Variants in CACUL1 observed in about 807,000 individuals in gnomAD.
The protein encoded by CACUL1 is CDK2 associated cullin domain 1, also known as CDK2-associated and cullin domain-containing protein 1.
Under a neutral mutation model 45.2 loss-of-function variants are expected in CACUL1, and 13 were observed. That is an observed-to-expected ratio of 0.29 (90% confidence interval 0.19 to 0.46). The LOEUF is 0.46. CACUL1 is among the 20% of genes least tolerant of loss of function. CACUL1 has a pLI of 1.00. For synonymous variants in CACUL1, 197 were observed against 174.2 expected (o/e 1.13, Z -1.03); for missense variants, 421 against 471.4 (o/e 0.89, Z 0.99).
At chr10:118,730,132 C>T in intron 2 of CACUL1, 152 bp downstream of exon 2, 1 of 861,424 alleles carries the variant, frequency 1.2e-6, no homozygotes, top group Non-Finnish European at 1.7e-6. Context: ...AAGTATAAAC[C>T]AAACCCTCCA....
chr10:118,694,055 G>A (rs1313117438), intron 6 of CACUL1, among the ~76,000 whole-genome samples: 3 of 152,138 alleles, frequency 2.0e-5, no homozygotes, highest in African/African-American at 4.8e-5. Context: ...TAGTAGAGAC[G>A]AGGTTTCACC....
intron 2 of CACUL1, among the ~76,000 whole-genome samples, chr10:118,729,761 TAG>T (rs1456018076): frequency 2.6e-5 from 4 of 152,170 alleles, no homozygotes; most frequent in Non-Finnish European, 5.9e-5. Context: ...TGATAATCAG[TAG>T]AGAGAGGTTT....
chr10:118,727,417 A>C (rs1319431089), intron 3 of CACUL1, among the ~76,000 whole-genome samples: 1 of 150,984 alleles, frequency 6.6e-6, no homozygotes, highest in Non-Finnish European at 1.5e-5. Flanking sequence ...AAAAAAAAAA[A>C]CACTAACATC....
At chr10:118,716,691 T>C (rs553933943) in intron 3 of CACUL1, among the ~76,000 whole-genome samples, 2 of 150,770 alleles carry the variant, frequency 1.3e-5, no homozygotes, top group African/African-American at 4.9e-5. Flanking sequence ...CAAGCTCCAC[T>C]TCCCAGGTTC....
intron 1 of CACUL1, among the ~76,000 whole-genome samples, chr10:118,739,769 A>G (rs1397625247): frequency 6.6e-6 from 1 of 152,250 alleles, no homozygotes; most frequent in Non-Finnish European, 1.5e-5. Context: ...CACAGACAAA[A>G]ACAAAAGCTG....
Position 118,683,286 on chromosome 10 carries a change from A to C in CACUL1, c.*2842T>G, listed in dbSNP as rs1306915528. 6.7e-6 allele frequency: 1 copy of C among 149,712 alleles called. No homozygotes were observed. The highest frequency in any genetic ancestry group is 1.5e-5 in the Non-Finnish European group (1 of 67,712). 9.3% of individuals were successfully genotyped at this position (149,712 alleles called of 1,614,324 possible). A position where few individuals can be genotyped will look rare whatever the true frequency, so the allele number is the denominator to read the frequency against. On this transcript the variant is annotated 3_prime_UTR_variant, in exon 9 of 9. Coordinates refer to ENST00000369151, the MANE Select transcript of CACUL1 (RefSeq NM_153810.5). ...TTGACTAACCAGACAACCAGCCTGC[A>C]TGTACGGTTTTGTATCTTCAATGAT...
chr10:118,729,430 G>C, intron 2 of CACUL1, 33 bp from the exon 3 acceptor site: 1 of 1,499,542 alleles, frequency 6.7e-7, no homozygotes, highest in Non-Finnish European at 9.2e-7. Context: ...CACAAACCAA[G>C]TTAATCATAA....
At position 118,691,272 on chromosome 10, in the gene CACUL1, A is replaced by G; in HGVS notation, c.1018T>C (p.Phe340Leu). 6.2e-7 allele frequency: 1 copy of G among 1,611,352 alleles called. No homozygotes were observed. Among genetic ancestry groups the G allele is most frequent in the Non-Finnish European group, 8.5e-7 (1 of 1,179,204 alleles). Residue 340 changes from phenylalanine to leucine, a missense_variant, in exon 7 of 9, where the codon TTT becomes CTT. Around this residue, in one of 2 missense-constraint regions of CACUL1, gnomAD observed 208 missense variants for 298.4 expected, o/e 0.70. Transcript: ENST00000369151. The part of the protein sequence containing the change: ...KFQRELIQNG[F>L]TRGDQSRKRA... ...GAAAAAAAAACAACTTGCCTTGTAA[A>G]ACCATTCTGTATAAGTTCTCTTTGA... is the stretch of plus-strand genomic sequence containing the variant.
chr10:118,707,515 T>C lies in CACUL1; in HGVS notation c.670A>G (p.Ile224Val), dbSNP rs1564831697. The change falls in exon 4 of 9, where the codon ATT (isoleucine) becomes GTT (valine). Residue 224 changes from isoleucine to valine, a missense_variant. Physicochemically the swap from Ile to Val is conservative, Grantham distance 29 (BLOSUM62 3). Coordinates refer to ENST00000369151, the MANE Select transcript of CACUL1 (RefSeq NM_153810.5). ...LGQYMGALQS[I>V]VPLFIYMNKF... ...ACCATATATATGAAAAGAGGCACAA[T>C]GCTCTGCAATGCTCCCATATATTGT... 2 of 1,552,040 alleles carry C rather than the reference T, an allele frequency of 1.3e-6. No individual in the cohort carries two copies. The highest frequency in any genetic ancestry group is 1.8e-6 in the Non-Finnish European group (2 of 1,124,310).
At chr10:118,694,751 C>T (rs1375118952) in intron 6 of CACUL1, among the ~76,000 whole-genome samples, 1 of 152,198 alleles carries the variant, frequency 6.6e-6, no homozygotes, top group Non-Finnish European at 1.5e-5. Flanking sequence ...TTTACCAACA[C>T]TTCTAGATTC....
chr10:118,739,127 T>C (rs1282354938), intron 1 of CACUL1, among the ~76,000 whole-genome samples: 2 of 147,490 alleles, frequency 1.4e-5, no homozygotes, highest in African/African-American at 2.5e-5. Context: ...ACCCGGGAGG[T>C]GGAGCTTGCA....
At chr10:118,745,066 AC>A (rs373050065) in intron 1 of CACUL1, among the ~76,000 whole-genome samples, 1 of 152,334 alleles carries the variant, frequency 6.6e-6, no homozygotes, top group East Asian at 1.9e-4. Context: ...AGCATAAAGG[AC>A]AATAGTGGAT....
chr10:118,707,475 A>T lies in CACUL1; in HGVS notation c.693+17T>A. The T allele has an allele frequency of 8.5e-7, 1 of 1,182,572 alleles. No homozygotes were observed. The allele number at this position is 1,182,572 out of a possible 1,614,324, so 73.3% of individuals were successfully genotyped here. A position where few individuals can be genotyped will look rare whatever the true frequency, so the allele number is the denominator to read the frequency against. ...TACACCTAGGTATTTGGGAAGGAGG[A>T]AGGAGCTCTTACTTACCATATATAT... On this transcript the variant is annotated intron_variant, in intron 4 of 8. Transcript: ENST00000369151.
chr10:118,754,722 T>C lies in CACUL1; in HGVS notation c.41A>G (p.Glu14Gly), dbSNP rs539598069. 4.4e-6 allele frequency: 7 copies of C among 1,603,736 alleles called. No individual in the cohort carries two copies. Among genetic ancestry groups the C allele is most frequent in the Non-Finnish European group, 5.1e-6 (6 of 1,176,204 alleles). ...SMEEEEGGSY[E>G]AMMDDQNHNN... ...GTGGTTCTGGTCGTCCATCATCGCC[T>C]CGTAGCTGCCCCCCTCCTCCTCTTC... Residue 14 changes from glutamate (E) to glycine (G), a missense_variant, in exon 1 of 9, where the codon GAG (glutamate) becomes GGG (glycine). Glu to Gly is a moderately conservative substitution (Grantham distance 98). Around this residue, in one of 2 missense-constraint regions of CACUL1, gnomAD observed 213 missense variants for 173.1 expected, o/e 1.23. Transcript: ENST00000369151.
At chr10:118,691,760 A>C (rs1429207302) in intron 6 of CACUL1, among the ~76,000 whole-genome samples, 2 of 148,852 alleles carry the variant, frequency 1.3e-5, no homozygotes, top group African/African-American at 5.0e-5. Flanking sequence ...CCAGCTACTC[A>C]GGAGGCTGAG....
At chr10:118,741,837 C>G (rs1266989463) in intron 1 of CACUL1, among the ~76,000 whole-genome samples, 1 of 152,174 alleles carries the variant, frequency 6.6e-6, no homozygotes, top group Non-Finnish European at 1.5e-5. Context: ...CTAGCCCTTT[C>G]TATCTATCCA....
chr10:118,744,233 G>A (rs1845819707), intron 1 of CACUL1, among the ~76,000 whole-genome samples: 2 of 151,894 alleles, frequency 1.3e-5, no homozygotes, highest in Non-Finnish European at 2.9e-5. Context: ...CTAAAAATAC[G>A]AAGTTAGCCG....
chr10:118,725,423 A>G (rs963389769), intron 3 of CACUL1, among the ~76,000 whole-genome samples: 1 of 152,190 alleles, frequency 6.6e-6, no homozygotes, highest in Non-Finnish European at 1.5e-5. Context: ...AGCCAGCATC[A>G]CACCACTGCA....
intron 5 of CACUL1, among the ~76,000 whole-genome samples, chr10:118,699,106 C>T (rs1845352053): frequency 6.6e-6 from 1 of 152,154 alleles, no homozygotes; most frequent in Admixed American, 6.5e-5. Flanking sequence ...ATAGGTCCTA[C>T]CACATACAAG....
Sources: gnomAD v4.1 joint callset for allele counts (sites outside exome capture counted in the v4.1 genomes callset) on GRCh38, gnomAD v4.1.1 for gene constraint, gnomAD v4.1.1 regional missense constraint, MANE v1.5 for transcripts, NCBI Gene and HGNC (gene_info 2026-07-23, HGNC 2026-07-21) for gene names.